The following PTPRT variants were observed in gnomAD, a reference collection of about 807,000 sequenced individuals.
PTPRT encodes receptor-type tyrosine-protein phosphatase T.
A neutral mutation model predicts 176.8 loss-of-function variants in PTPRT; 56 were observed. That is an observed-to-expected ratio of 0.32 (90% CI 0.26 to 0.40). The LOEUF (loss-of-function observed/expected upper bound fraction) is 0.40. PTPRT is among the 10% of genes least tolerant of loss of function. PTPRT has a pLI of 1.00. For missense variants in PTPRT, 1,540 were observed against 1,908.2 expected, an observed-to-expected ratio of 0.81 and a Z score of 3.60; for synonymous variants, 783 against 739.0, an observed-to-expected ratio of 1.06 and a Z score of -0.96.
intron 17 of PTPRT, among the ~76,000 whole-genome samples, chr20:42,146,003 C>T (rs1988853055): frequency 6.6e-6 from 1 of 152,172 alleles, no homozygotes; most frequent in South Asian, 2.1e-4. Context: ...CCTTCTTCTC[C>T]TTTTCGTATT....
intron 2 of PTPRT, among the ~76,000 whole-genome samples, chr20:42,828,276 C>A (rs547538837): frequency 6.6e-6 from 1 of 152,212 alleles, no homozygotes; most frequent in East Asian, 1.9e-4. Flanking sequence ...TTTGCCCCTG[C>A]CCTAGAGATG....
intron 11 of PTPRT, among the ~76,000 whole-genome samples, chr20:42,320,333 A>C (rs942094979): frequency 3.3e-5 from 5 of 152,136 alleles, no homozygotes; most frequent in African/African-American, 7.2e-5. Flanking sequence ...AGATTCTCGG[A>C]CCAGATTCCA....
intron 1 of PTPRT, among the ~76,000 whole-genome samples, chr20:42,926,678 C>T (rs1979502724): frequency 6.6e-6 from 1 of 152,180 alleles, no homozygotes; most frequent in Non-Finnish European, 1.5e-5. Context: ...GCCTCTGCTT[C>T]CTCCCCGTGT....
chr20:42,598,004 C>T (rs1033021120), intron 7 of PTPRT, among the ~76,000 whole-genome samples: 2 of 152,032 alleles, frequency 1.3e-5, no homozygotes, highest in Non-Finnish European at 2.9e-5. Context: ...CATATATATG[C>T]CCACAGAAGC....
intron 11 of PTPRT, among the ~76,000 whole-genome samples, chr20:42,317,995 A>T (rs531643115): frequency 5.8e-4 from 88 of 152,126 alleles, no homozygotes; most frequent in Non-Finnish European, 1.1e-3. Flanking sequence ...CCAAGTGAGG[A>T]TCTGTATTAC....
intron 1 of PTPRT, among the ~76,000 whole-genome samples, chr20:42,904,387 G>T (rs2079447476): frequency 6.6e-6 from 1 of 152,212 alleles, no homozygotes; most frequent in East Asian, 1.9e-4. Context: ...TTGCCTGAGA[G>T]AAAGGAGTCC....
intron 7 of PTPRT, among the ~76,000 whole-genome samples, chr20:42,659,754 T>C (rs369723608): frequency 1.3e-5 from 2 of 152,184 alleles, no homozygotes; most frequent in Non-Finnish European, 2.9e-5. Context: ...TACAGTCCTA[T>C]ATAAAATAGT....
intron 1 of PTPRT, among the ~76,000 whole-genome samples, chr20:43,052,819 G>A (rs1260520906): frequency 6.6e-6 from 1 of 152,154 alleles, no homozygotes; most frequent in Admixed American, 6.5e-5. Flanking sequence ...CCAGCTTTAA[G>A]TAATCACTAA....
At chr20:42,929,863 ATG>A (rs1979723591) in intron 1 of PTPRT, among the ~76,000 whole-genome samples, 1 of 152,214 alleles carries the variant, frequency 6.6e-6, no homozygotes, top group Non-Finnish European at 1.5e-5. Flanking sequence ...TGCCATGACA[ATG>A]TGTTAGCAAA....
At position 42,706,173 on chromosome 20, in the gene PTPRT, CTCTGTTTGTGTGTGTG is replaced by C. The variant is rs748179016; in HGVS notation, c.860-28030_860-28015del. ...TGTCTCTCTTTATCTCTCTCTCTCTCTCTGTTTGTGTGTGTGTGTGTGTGTGTGTGTGTGTGTGTGT... is the reference window on the plus strand; with the variant it reads ...TGTCTCTCTTTATCTCTCTCTCTCTCTGTGTGTGTGTGTGTGTGTGTGTGT... On this transcript the variant is annotated intron_variant, in intron 6 of 30. Coordinates refer to ENST00000373187, the MANE Select transcript of PTPRT (RefSeq NM_007050.6). Among the ~76,000 whole-genome samples, 144 of 133,000 alleles carry C rather than the reference CTCTGTTTGTGTGTGTG, an allele frequency of 1.1e-3. 1 individual carries two copies. The highest frequency in any genetic ancestry group is 7.2e-3 in the Middle Eastern group (2 of 276). The allele number at this position is 133,000 out of a possible 152,430, so 87.3% of individuals were successfully genotyped here. A position where few individuals can be genotyped will look rare whatever the true frequency, so the allele number is the denominator to read the frequency against.
intron 1 of PTPRT, among the ~76,000 whole-genome samples, chr20:43,156,439 T>C (rs2014525571): frequency 1.3e-5 from 2 of 152,134 alleles, no homozygotes; most frequent in Admixed American, 6.5e-5. Flanking sequence ...AAATGACTGA[T>C]GAATGGAGAG....
At chr20:42,602,995 T>C (rs142364197) in intron 7 of PTPRT, among the ~76,000 whole-genome samples, 18 of 152,280 alleles carry the variant, frequency 1.2e-4, no homozygotes, top group African/African-American at 3.9e-4. Context: ...AGAGGGGTGC[T>C]CTGTTCCCTT....
chr20:42,934,236 CAGAGAA>C (rs1197607894), intron 1 of PTPRT, among the ~76,000 whole-genome samples: 1 of 151,916 alleles, frequency 6.6e-6, no homozygotes, highest in African/African-American at 2.4e-5. Flanking sequence ...AAACGAGAGA[CAGAGAA>C]AGAGAAAGAG....
At chr20:42,043,994 A>G in the PTPRT span, among the ~76,000 whole-genome samples, 1 of 152,066 alleles carries the variant, frequency 6.6e-6, no homozygotes, top group African/African-American at 2.4e-5. Context: ...TTGTAATCTC[A>G]CTCCTCCTTC....
At chr20:42,484,360 T>C (rs1001180881) in intron 7 of PTPRT, among the ~76,000 whole-genome samples, 8 of 152,212 alleles carry the variant, frequency 5.3e-5, no homozygotes, top group Admixed American at 2.0e-4. Flanking sequence ...ATTTTTTTCT[T>C]TCTTAACTAC....
intron 1 of PTPRT, among the ~76,000 whole-genome samples, chr20:42,998,237 A>G (rs1017941447): frequency 6.6e-6 from 1 of 152,138 alleles, no homozygotes; most frequent in Non-Finnish European, 1.5e-5. Flanking sequence ...GGTCAGAGAA[A>G]AACAATTCTA....
chr20:42,939,616 TGA>T (rs1456696971), intron 1 of PTPRT, among the ~76,000 whole-genome samples: 9 of 152,188 alleles, frequency 5.9e-5, no homozygotes, highest in Non-Finnish European at 1.0e-4. Context: ...ACTATTTACT[TGA>T]AACTTACTAG....
downstream of PTPRT, among the ~76,000 whole-genome samples, chr20:42,069,187 T>A (rs1243532010): frequency 6.6e-6 from 1 of 152,154 alleles, no homozygotes; most frequent in Non-Finnish European, 1.5e-5. Flanking sequence ...GGCCCCTTCA[T>A]TTTGGTCCTT....
At chr20:43,010,859 A>T (rs929194360) in intron 1 of PTPRT, among the ~76,000 whole-genome samples, 3 of 152,114 alleles carry the variant, frequency 2.0e-5, no homozygotes, top group African/African-American at 7.2e-5. Flanking sequence ...TTCCTAAGAG[A>T]TTAAAGAGCT....
Sources: allele counts gnomAD v4.1 joint callset (sites outside exome capture counted in the v4.1 genomes callset), GRCh38; gene constraint gnomAD v4.1.1; transcripts MANE v1.5; gene names NCBI Gene and HGNC (gene_info 2026-07-23, HGNC 2026-07-21).